AQP10: variants seen among roughly 807,000 people sequenced by gnomAD.
The protein encoded by AQP10 is aquaporin 10.
In AQP10, 15 loss-of-function variants were observed where a neutral mutation model predicts 21.0. The observed-to-expected ratio is 0.71, with a 90% CI of 0.48 to 1.10. AQP10 has a LOEUF of 1.10. Ranked by LOEUF, AQP10 falls within the 50% of genes least tolerant of loss-of-function variation. The probability of loss-of-function intolerance (pLI) is 0.00; values close to 1 mark genes in which losing one functional copy is unlikely to be tolerated. For missense variants in AQP10, 268 were observed against 379.5 expected (o/e 0.71, Z 2.44); for synonymous variants, 143 against 155.7 (o/e 0.92, Z 0.61).
Position 154,323,579 on chromosome 1 carries a change from T to C in AQP10, c.490-10T>C, listed in dbSNP as rs566653446. On this transcript the variant is annotated splice_polypyrimidine_tract_variant and intron_variant, in intron 4 of 5. Transcript: ENST00000324978. The surrounding 1 kb of genome is among the most constrained non-coding windows in gnomAD (Gnocchi z 4.5). The stretch of plus-strand genomic sequence containing the variant: ...CTGACAGGGAACCCTCTGCCTCTGT[T>C]GACTCCAAGGTTCTGGGCACTGGGA... 1.3e-4 allele frequency: 211 copies of C among 1,609,280 alleles called. 3 individuals carry two copies. The South Asian group carries it at 2.2e-3, about 17-fold the overall frequency.
At chr1:154,322,194 A>T (rs1685660670) in intron 2 of AQP10, 135 bp downstream of exon 2, 1 of 1,395,224 alleles carries the variant, frequency 7.2e-7, no homozygotes. Flanking sequence ...AGACTGAAAT[A>T]AGCCTTTGGC....
rs1033201348 is a variant in AQP10 at position 154,324,753 on chromosome 1, C to T, written c.*273C>T. On this transcript the variant is annotated 3_prime_UTR_variant, in exon 6 of 6. Transcript: ENST00000324978. ...CTCGGAATGTAGTTGCTCGAGGTAA[C>T]CGCTAGAGGGTGCGCACCTGGATGC... The T allele has an allele frequency of 2.9e-6, 1 of 347,576 alleles. No individual in the cohort carries two copies. Among genetic ancestry groups the T allele is most frequent in the African/African-American group, 2.1e-5 (1 of 46,986 alleles). 21.5% of individuals were successfully genotyped at this position (347,576 alleles called of 1,614,324 possible).
rs1024651834 is a variant in AQP10, at chr1:154,324,557, T to A, written c.*77T>A. The stretch of plus-strand genomic sequence containing the variant: ...GCCTGGGAACAACAGTCATTCTTCC[T>A]CTTTGTTAATGTGCCAGAACCTGGG... On this transcript the variant is annotated 3_prime_UTR_variant, in exon 6 of 6. Transcript: ENST00000324978. The A allele has an allele frequency of 8.9e-6, 13 of 1,453,818 alleles. No homozygotes were observed. The highest frequency in any genetic ancestry group is 1.2e-5 in the Non-Finnish European group (13 of 1,065,938). The allele number at this position is 1,453,818 out of a possible 1,614,324, so 90.1% of individuals were successfully genotyped here.
intron 1 of AQP10, among the ~76,000 whole-genome samples, 161 bp from the exon 2 acceptor site, chr1:154,321,772 C>T (rs1372184225): frequency 1.3e-5 from 2 of 152,060 alleles, no homozygotes; most frequent in Non-Finnish European, 2.9e-5. Flanking sequence ...CTTCTTCCTC[C>T]ACTTTCCCCA....
Position 154,321,145 on chromosome 1 carries a change from G to A in AQP10, c.-11G>A. The A allele has an allele frequency of 6.2e-7, 1 of 1,609,992 alleles. No individual in the cohort carries two copies. Among genetic ancestry groups the A allele is most frequent in the Non-Finnish European group, 8.5e-7 (1 of 1,177,192 alleles). ...AGAGGGAGCAGTGAATAGCAATAGG[G>A]TGTTTCCACCATGGTCTTCACTCAG... On this transcript the variant is annotated 5_prime_UTR_variant, in exon 1 of 6. The change creates a new upstream start codon in the 5' untranslated region. Coordinates refer to ENST00000324978, the MANE Select transcript of AQP10 (RefSeq NM_080429.3).
chr1:154,322,216 C>T (rs967950204), intron 2 of AQP10, among the ~76,000 whole-genome samples, 157 bp downstream of exon 2: 1 of 152,224 alleles, frequency 6.6e-6, no homozygotes, highest in East Asian at 1.9e-4. Context: ...CCACCAGCCC[C>T]TCCTCTTTCT....
rs756699226 is a variant in AQP10 at position 154,323,093 on chromosome 1, C to T, written c.344C>T (p.Ser115Leu). 6.2e-6 allele frequency: 10 copies of T among 1,614,148 alleles called. No individual in the cohort carries two copies. Among genetic ancestry groups the T allele is most frequent in the East Asian group, 2.2e-5 (1 of 44,888 alleles). The stretch of plus-strand genomic sequence containing the variant: ...CAGTTGCTGTCTGCTTTCTGTGCTT[C>T]GGGAGCCACCTATGTTCTCTACCAT... ...LVQLLSAFCASGATYVLYHDA... is the reference protein window; with the variant it reads ...LVQLLSAFCALGATYVLYHDA... Residue 115 changes from serine (S) to leucine (L), a missense_variant, in exon 3 of 6, where the codon TCG becomes TTG. Ser to Leu is a moderately radical substitution (Grantham distance 145). Coordinates refer to ENST00000324978, the MANE Select transcript of AQP10 (RefSeq NM_080429.3). This position sits in a 1 kb window ranked among gnomAD's most constrained non-coding sequence, Gnocchi z 4.5.
Position 154,324,344 on chromosome 1 carries a change from C to A in AQP10, c.770C>A (p.Thr257Lys). The A allele has an allele frequency of 1.2e-6, 2 of 1,605,052 alleles. No individual in the cohort carries two copies. Among genetic ancestry groups the A allele is most frequent in the Non-Finnish European group, 1.7e-6 (2 of 1,176,930 alleles). ...CCTCTGGTGGGGGCCACCGTTGGCA[C>A]AGCCACTTACCAGCTGTTGGTGGCT... ...VAPLVGATVG[T>K]ATYQLLVALH... The change falls in exon 6 of 6, where the codon ACA becomes AAA. Residue 257 changes from threonine to lysine, a missense_variant. By Grantham distance (78) the Thr-to-Lys change is moderately conservative. Coordinates refer to ENST00000324978, the MANE Select transcript of AQP10 (RefSeq NM_080429.3).
chr1:154,322,087 A>G, intron 2 of AQP10, 28 bp downstream of exon 2: 1 of 1,612,624 alleles, frequency 6.2e-7, no homozygotes, highest in Non-Finnish European at 8.5e-7. Context: ...TGGTCATCAG[A>G]GCACGTGGGA....
At position 154,323,124 on chromosome 1, in the gene AQP10, C is replaced by T. The variant is rs1303237488; in HGVS notation, c.370+5C>T. On this transcript the variant is annotated splice_donor_5th_base_variant and intron_variant, in intron 3 of 5. Coordinates refer to ENST00000324978, the MANE Select transcript of AQP10 (RefSeq NM_080429.3). This position sits in a 1 kb window ranked among gnomAD's most constrained non-coding sequence, Gnocchi z 4.5. ...CCACCTATGTTCTCTACCATGGTGA[C>T]AGAGGGAACAGAGGGAGCTGTGCCT... 1.9e-6 allele frequency: 3 copies of T among 1,613,800 alleles called. No homozygotes were observed. In the Admixed American group the frequency reaches 5.0e-5, roughly 27 times the overall value.
chr1:154,324,370 C>G lies in AQP10; in HGVS notation c.796C>G (p.Leu266Val). ...AGCCACTTACCAGCTGTTGGTGGCT[C>G]TGCACCACCCTGAGGGCCCAGAGCC... The part of the protein sequence containing the change: ...GTATYQLLVA[L>V]HHPEGPEPAQ... Residue 266 changes from leucine (L) to valine (V), a missense_variant, in exon 6 of 6, where the codon CTG (leucine) becomes GTG (valine). By Grantham distance (32) the Leu-to-Val change is conservative. Around this residue, in one of 3 missense-constraint regions of AQP10, gnomAD observed 229 missense variants for 295.1 expected, o/e 0.78. Transcript: ENST00000324978. 6.2e-7 allele frequency: 1 copy of G among 1,612,968 alleles called. No individual in the cohort carries two copies. The highest frequency in any genetic ancestry group is 1.1e-5 in the South Asian group (1 of 91,024).
In AQP10 at chr1:154,323,530, G is replaced by C; in HGVS notation, c.490-59G>C. ...GATGACATGGAATATTTGGATGAGA[G>C]AGGGCAGATGGAGCACCTGGCAGCT... is the stretch of plus-strand genomic sequence containing the variant. On this transcript the variant is annotated intron_variant, in intron 4 of 5. Coordinates refer to ENST00000324978, the MANE Select transcript of AQP10 (RefSeq NM_080429.3). This position sits in a 1 kb window ranked among gnomAD's most constrained non-coding sequence, Gnocchi z 4.5. 1.9e-6 allele frequency: 3 copies of C among 1,569,058 alleles called. No homozygotes were observed. Among genetic ancestry groups the C allele is most frequent in the Non-Finnish European group, 2.6e-6 (3 of 1,147,722 alleles).
Position 154,323,861 on chromosome 1 carries a change from C to T in AQP10, c.707+55C>T. On this transcript the variant is annotated intron_variant, in intron 5 of 5. Transcript: ENST00000324978. This position sits in a 1 kb window ranked among gnomAD's most constrained non-coding sequence, Gnocchi z 4.5. Reference sequence around the variant, plus strand: ...TCCACTCACCTTCCTCTGCTAAGGGCTCTGTCCCTGGGTCCACAGCACTCT... The same window carrying T: ...TCCACTCACCTTCCTCTGCTAAGGGTTCTGTCCCTGGGTCCACAGCACTCT... 6.3e-7 allele frequency: 1 copy of T among 1,592,136 alleles called. No homozygotes were observed. The highest frequency in any genetic ancestry group is 1.1e-5 in the South Asian group (1 of 88,988).
At chr1:154,321,654 A>G (rs1001995122) in intron 1 of AQP10, among the ~76,000 whole-genome samples, 2 of 152,250 alleles carry the variant, frequency 1.3e-5, no homozygotes, top group Non-Finnish European at 2.9e-5. Context: ...TTCCATAGAA[A>G]GAATCTTAGA....
chr1:154,321,832 C>G, intron 1 of AQP10, 101 bp from the exon 2 acceptor site: 1 of 1,523,414 alleles, frequency 6.6e-7, no homozygotes, highest in African/African-American at 1.4e-5. Flanking sequence ...TGCTTGTCTT[C>G]TGTGCTCATT....
rs61739738 is a variant in AQP10, at chr1:154,323,118, T to C, written c.369T>C (p.His123=). 3.8e-3 allele frequency: 6,145 copies of C among 1,614,164 alleles called. 214 individuals are homozygous for C. In the African/African-American group the frequency reaches 0.074, roughly 19 times the overall value. The part of the protein sequence containing the change: ...CASGATYVLY[H]DALQNYTGGN... Reference sequence around the variant, plus strand: ...CGGGAGCCACCTATGTTCTCTACCATGGTGACAGAGGGAACAGAGGGAGCT... The same window carrying C: ...CGGGAGCCACCTATGTTCTCTACCACGGTGACAGAGGGAACAGAGGGAGCT... Residue 123 remains histidine, a splice_region_variant and synonymous_variant, in exon 3 of 6, where the codon CAT becomes CAC. Coordinates refer to ENST00000324978, the MANE Select transcript of AQP10 (RefSeq NM_080429.3). This position sits in a 1 kb window ranked among gnomAD's most constrained non-coding sequence, Gnocchi z 4.5.
intron 2 of AQP10, among the ~76,000 whole-genome samples, chr1:154,322,737 G>A (rs1175408865): frequency 6.6e-6 from 1 of 152,042 alleles, no homozygotes; most frequent in Non-Finnish European, 1.5e-5. Context: ...GACCTCAAGT[G>A]ATCCACTGCC....
At chr1:154,322,143 C>T (rs1251422329) in intron 2 of AQP10, 84 bp downstream of exon 2, 1 of 1,559,646 alleles carries the variant, frequency 6.4e-7, no homozygotes, top group Admixed American at 1.9e-5. Context: ...AACGCAAATC[C>T]TTCTGTGACT....
chr1:154,321,834 G>C (rs2149152430), intron 1 of AQP10, 99 bp from the exon 2 acceptor site: 1 of 1,531,276 alleles, frequency 6.5e-7, no homozygotes, highest in African/African-American at 1.4e-5. Flanking sequence ...CTTGTCTTCT[G>C]TGCTCATTCA....
Sources: gnomAD v4.1 joint callset for allele counts (sites outside exome capture counted in the v4.1 genomes callset) on GRCh38, gnomAD v4.1.1 for gene constraint, gnomAD v4.1.1 regional missense constraint, Gnocchi (gnomAD v3.1) non-coding constraint, MANE v1.5 for transcripts, NCBI Gene and HGNC (gene_info 2026-07-23, HGNC 2026-07-21) for gene names.